SIAH3: variants seen among roughly 807,000 people sequenced by gnomAD.
SIAH3 encodes the protein seven in absentia homolog 3.
Under a neutral mutation model 12.6 loss-of-function variants are expected in SIAH3, and 9 were observed. The observed-to-expected ratio is 0.72, with a 90% CI of 0.43 to 1.25. SIAH3 has a LOEUF of 1.25. Among genes scored for constraint, SIAH3 ranks in the 50% most tolerant of loss-of-function variants. SIAH3 has a pLI of 0.00. For synonymous variants in SIAH3, 154 were observed against 151.1 expected, an observed-to-expected ratio of 1.02 and a Z score of -0.14; for missense variants, 390 against 365.4, an observed-to-expected ratio of 1.07 and a Z score of -0.55.
intron 1 of SIAH3, among the ~76,000 whole-genome samples, chr13:45,799,017 C>G (rs947079193): frequency 6.6e-6 from 1 of 152,210 alleles, no homozygotes; most frequent in African/African-American, 2.4e-5. Context: ...GAACCAGGGC[C>G]TCTTCAATTC....
chr13:45,821,216 A>G (rs1216070223), intron 1 of SIAH3, among the ~76,000 whole-genome samples: 2 of 152,246 alleles, frequency 1.3e-5, no homozygotes, highest in African/African-American at 2.4e-5. Flanking sequence ...ACACATAGAA[A>G]AGATGATGTG....
intron 1 of SIAH3, among the ~76,000 whole-genome samples, chr13:45,788,138 C>A (rs1013459924): frequency 6.6e-6 from 1 of 152,166 alleles, no homozygotes; most frequent in Non-Finnish European, 1.5e-5. Context: ...ATAAACACAA[C>A]CTTAATTTTT....
chr13:45,839,629 A>G (rs36092089), intron 1 of SIAH3, among the ~76,000 whole-genome samples: 1,615 of 151,584 alleles, frequency 0.011, 8 homozygotes, highest in African/African-American at 0.014. Context: ...TCAGGAGATC[A>G]AGACCATCCT....
rs1950515100 is a variant in SIAH3 at position 45,783,819 on chromosome 13, G to A, written c.374C>T (p.Pro125Leu). The change falls in exon 2 of 2, where the codon CCC becomes CTC. Residue 125 changes from proline (P) to leucine (L), a missense_variant. Pro to Leu is a moderately conservative substitution (Grantham distance 98). Transcript: ENST00000400405. ...AACCCTATGGATCTGCCGCAGGTGGGGCACCACCACCTCCAGGCGGCCTTC... is the reference window on the plus strand; with the variant it reads ...AACCCTATGGATCTGCCGCAGGTGGAGCACCACCACCTCCAGGCGGCCTTC... ...QWEGRLEVVV[P>L]HLRQIHRVDI... 6.2e-7 allele frequency: 1 copy of A among 1,614,192 alleles called. No individual in the cohort carries two copies. The highest frequency in any genetic ancestry group is 8.5e-7 in the Non-Finnish European group (1 of 1,180,042).
chr13:45,795,229 A>T (rs1368622977), intron 1 of SIAH3, among the ~76,000 whole-genome samples: 1 of 152,184 alleles, frequency 6.6e-6, no homozygotes, highest in Non-Finnish European at 1.5e-5. Context: ...AGAAGATGTG[A>T]GCCCCATGAT....
chr13:45,789,560 C>T (rs1298073040), intron 1 of SIAH3, among the ~76,000 whole-genome samples: 1 of 152,074 alleles, frequency 6.6e-6, no homozygotes, highest in African/African-American at 2.4e-5. Context: ...GCGCCTGCTA[C>T]CATACCTGGC....
At chr13:45,813,922 T>C (rs1950624858) in intron 1 of SIAH3, among the ~76,000 whole-genome samples, 2 of 152,058 alleles carry the variant, frequency 1.3e-5, no homozygotes, top group African/African-American at 4.8e-5. Context: ...GATTTCAATA[T>C]ATGAATCTTG....
Position 45,778,370 on chromosome 13 carries a change from G to A in SIAH3, c.*5013C>T, listed in dbSNP as rs1246975960. On this transcript the variant is annotated 3_prime_UTR_variant, in exon 2 of 2. Coordinates refer to ENST00000400405, the MANE Select transcript of SIAH3 (RefSeq NM_198849.3). Reference sequence around the variant, plus strand: ...TTTGGATTGGGATAGCCAATAGGCTGAGTTTGCGGAGCCCAATTTTTCCAT... The same window carrying A: ...TTTGGATTGGGATAGCCAATAGGCTAAGTTTGCGGAGCCCAATTTTTCCAT... 1.3e-5 allele frequency: 2 copies of A among 152,220 alleles called. No homozygotes were observed. Among genetic ancestry groups the A allele is most frequent in the Non-Finnish European group, 2.9e-5 (2 of 68,050 alleles). 9.4% of individuals were successfully genotyped at this position (152,220 alleles called of 1,614,324 possible).
At chr13:45,819,130 A>C (rs956312143) in intron 1 of SIAH3, among the ~76,000 whole-genome samples, 1 of 152,164 alleles carries the variant, frequency 6.6e-6, no homozygotes, top group East Asian at 1.9e-4. Flanking sequence ...CTGACCATGC[A>C]CGACACAGAG....
At chr13:45,811,866 A>G (rs542362862) in intron 1 of SIAH3, among the ~76,000 whole-genome samples, 16 of 152,272 alleles carry the variant, frequency 1.1e-4, no homozygotes, top group African/African-American at 3.9e-4. Context: ...TTAGGAAAAG[A>G]GTCTACCAAA....
Position 45,799,361 on chromosome 13 carries a change from T to C in SIAH3, c.136-15304A>G, listed in dbSNP as rs182244195. On this transcript the variant is annotated intron_variant, in intron 1 of 1. Coordinates refer to ENST00000400405, the MANE Select transcript of SIAH3 (RefSeq NM_198849.3). ...TGATATCTGCCTCCTTCCTGGATAA[T>C]AGGAGGAATGCGTTAAAATGTGTTT... Among the ~76,000 whole-genome samples, 104 of 152,254 alleles carry C rather than the reference T, an allele frequency of 6.8e-4. 1 individual carries two copies. Among genetic ancestry groups the C allele is most frequent in the African/African-American group, 2.4e-3 (98 of 41,544 alleles).
intron 1 of SIAH3, among the ~76,000 whole-genome samples, chr13:45,822,351 T>C (rs1248896678): frequency 2.6e-5 from 4 of 151,948 alleles, no homozygotes; most frequent in Admixed American, 2.0e-4. Context: ...TTTTTCCAAG[T>C]ATAGTAAGAC....
chr13:45,784,543 G>T (rs1051132278), intron 1 of SIAH3, among the ~76,000 whole-genome samples: 1 of 151,458 alleles, frequency 6.6e-6, no homozygotes, highest in African/African-American at 2.4e-5. Context: ...TGTCCTTCCA[G>T]TGTAGTCAGG....
At chr13:45,790,359 T>G (rs1227376444) in intron 1 of SIAH3, among the ~76,000 whole-genome samples, 1 of 152,180 alleles carries the variant, frequency 6.6e-6, no homozygotes, top group Admixed American at 6.5e-5. Flanking sequence ...AGGGTCCATA[T>G]AGATGTCTTC....
rs1277931969 is a variant in SIAH3, at chr13:45,778,576, C to CAG, written c.*4806_*4807insCT. The stretch of plus-strand genomic sequence containing the variant: ...TCCGCTGGCTTGGCTGTCATTTATG[C>CAG]CCTTGTCAGTACGGCCTTCCAGGGC... On this transcript the variant is annotated 3_prime_UTR_variant, in exon 2 of 2. Coordinates refer to ENST00000400405, the MANE Select transcript of SIAH3 (RefSeq NM_198849.3). The CAG allele has an allele frequency of 6.6e-6, 1 of 152,222 alleles. No homozygotes were observed. The highest frequency in any genetic ancestry group is 2.4e-5 in the African/African-American group (1 of 41,432). The allele number at this position is 152,222 out of a possible 1,614,324, so 9.4% of individuals were successfully genotyped here. A position where few individuals can be genotyped will look rare whatever the true frequency, so the allele number is the denominator to read the frequency against.
intron 1 of SIAH3, among the ~76,000 whole-genome samples, chr13:45,830,181 G>A (rs1483669432): frequency 6.6e-6 from 1 of 152,188 alleles, no homozygotes; most frequent in African/African-American, 2.4e-5. Context: ...AGCCCCAGGG[G>A]CAGCCACCTT....
intron 1 of SIAH3, among the ~76,000 whole-genome samples, chr13:45,810,283 T>C (rs1001551523): frequency 5.3e-5 from 8 of 152,158 alleles, no homozygotes; most frequent in Admixed American, 1.3e-4. Flanking sequence ...GTCAGCTGAA[T>C]GGATGGATGA....
chr13:45,850,113 C>T (rs186956074), intron 1 of SIAH3, among the ~76,000 whole-genome samples: 2 of 152,204 alleles, frequency 1.3e-5, no homozygotes, highest in Non-Finnish European at 2.9e-5. Flanking sequence ...CGGTTGCATG[C>T]GATGGCATTC....
intron 1 of SIAH3, among the ~76,000 whole-genome samples, chr13:45,834,007 GA>G (rs11308110): frequency 0.31 from 37,887 of 123,096 alleles, 6,117 homozygotes; most frequent in African/African-American, 0.5. Context: ...AGGTCAAAAA[GA>G]AAAAAAAAAA....
Sources: allele counts gnomAD v4.1 joint callset (sites outside exome capture counted in the v4.1 genomes callset), GRCh38; gene constraint gnomAD v4.1.1; transcripts MANE v1.5; gene names NCBI Gene and HGNC (gene_info 2026-07-23, HGNC 2026-07-21).